Variants in CDKL3 observed in about 807,000 individuals in gnomAD.
The protein encoded by CDKL3 is cyclin dependent kinase like 3, also known as cyclin-dependent kinase-like 3.
Under a neutral mutation model 69.3 loss-of-function variants are expected in CDKL3, and 65 were observed. The observed-to-expected ratio is 0.94, with a 90% CI of 0.77 to 1.15. The LOEUF is 1.15. CDKL3 is among the 50% of genes most tolerant of loss of function. CDKL3 has a pLI of 0.00. For missense variants in CDKL3, 652 were observed against 689.2 expected (o/e 0.95, Z 0.61); for synonymous variants, 202 against 221.6 (o/e 0.91, Z 0.79).
chr5:134,331,872 C>T (rs1192653996), intron 4 of CDKL3, among the ~76,000 whole-genome samples: 7 of 152,112 alleles, frequency 4.6e-5, no homozygotes, highest in Admixed American at 1.3e-4. Context: ...CTTGAGGAAT[C>T]GCCACACTGT....
chr5:134,312,855 A>C (rs1339623465), intron 6 of CDKL3, among the ~76,000 whole-genome samples: 2 of 152,212 alleles, frequency 1.3e-5, no homozygotes, highest in Non-Finnish European at 2.9e-5. Flanking sequence ...TCTTTCAATA[A>C]CCCATTATTA....
At position 134,366,433 on chromosome 5, in the gene CDKL3, C is replaced by T; in HGVS notation, c.91G>A (p.Ala31Thr). 6.2e-7 allele frequency: 1 copy of T among 1,604,550 alleles called. No homozygotes were observed. Among genetic ancestry groups the T allele is most frequent in the Non-Finnish European group, 8.5e-7 (1 of 1,175,376 alleles). ...GGTCTCTCATAAAATATCTTAATGG[C>T]CACTATCTGCCCAGTATTCTTATGT... The part of the protein sequence containing the change: ...CKHKNTGQIV[A>T]IKIFYERPEQ... Residue 31 changes from alanine (A) to threonine (T), a missense_variant, in exon 2 of 13, where the codon GCC becomes ACC. Ala to Thr is a moderately conservative substitution (Grantham distance 58). Transcript: ENST00000265334.
intron 4 of CDKL3, among the ~76,000 whole-genome samples, chr5:134,326,353 G>A (rs190152904): frequency 1.3e-5 from 2 of 152,074 alleles, no homozygotes; most frequent in African/African-American, 2.4e-5. Context: ...TCTGAAATAC[G>A]AGCAAGTCCT....
intron 6 of CDKL3, among the ~76,000 whole-genome samples, chr5:134,318,392 T>C (rs1771755971): frequency 6.6e-6 from 1 of 152,106 alleles, no homozygotes; most frequent in Non-Finnish European, 1.5e-5. Context: ...CTGTAGATAT[T>C]TTAGTACAAA....
At chr5:134,363,957 T>TAAAAAAAAAAA (rs1206131261) in intron 2 of CDKL3, among the ~76,000 whole-genome samples, 3 of 96,432 alleles carry the variant, frequency 3.1e-5, no homozygotes, top group African/African-American at 1.3e-4. Flanking sequence ...CTCCATTTCT[T>TAAAAAAAAAAA]AAAAAAAAAA....
At chr5:134,303,669 C>CA (rs1491324816) in intron 11 of CDKL3, among the ~76,000 whole-genome samples, 1 of 75,274 alleles carries the variant, frequency 1.3e-5, no homozygotes, top group Non-Finnish European at 2.5e-5. Context: ...AATGGTGGAA[C>CA]CCCCCCCCCG....
At chr5:134,299,750 T>C (rs1194181185) in intron 12 of CDKL3, 13 of 1,525,604 alleles carry the variant, frequency 8.5e-6, no homozygotes, top group Non-Finnish European at 1.1e-5. Context: ...TTTCCTGTAT[T>C]CTAAAAAGTA....
upstream of CDKL3, chr5:134,371,498 C>T: frequency 7.2e-7 from 1 of 1,390,924 alleles, no homozygotes; most frequent in Non-Finnish European, 9.5e-7. Flanking sequence ...GCGGCGGCGG[C>T]GGCGGCGATC....
downstream of CDKL3, among the ~76,000 whole-genome samples, chr5:134,296,941 TCTTTTC>T (rs1402837081): frequency 6.8e-6 from 1 of 147,594 alleles, no homozygotes; most frequent in African/African-American, 2.5e-5. Context: ...TTTTTCTTTT[TCTTTTC>T]TTTTCTTTTT....
At chr5:134,366,316 A>G (rs1430972853) in intron 2 of CDKL3, 43 bp downstream of exon 2, 1 of 1,414,762 alleles carries the variant, frequency 7.1e-7, no homozygotes, top group East Asian at 2.4e-5. Flanking sequence ...TTCCATAACA[A>G]TTTTTTCTTT....
At chr5:134,354,382 GA>G in intron 3 of CDKL3, among the ~76,000 whole-genome samples, 1 of 152,306 alleles carries the variant, frequency 6.6e-6, no homozygotes, top group East Asian at 1.9e-4. Context: ...CTCAGTGACA[GA>G]AATCTGGGAT....
chr5:134,336,396 GA>G, intron 4 of CDKL3, among the ~76,000 whole-genome samples: 1 of 152,314 alleles, frequency 6.6e-6, no homozygotes, highest in Middle Eastern at 3.4e-3. Context: ...CTTTGGAGGA[GA>G]AGAGGCATTC....
chr5:134,342,967 G>A (rs570367205), intron 4 of CDKL3, among the ~76,000 whole-genome samples: 1 of 152,246 alleles, frequency 6.6e-6, no homozygotes, highest in Admixed American at 6.5e-5. Flanking sequence ...TGCTTTGGGA[G>A]TCCAAGGCAG....
At position 134,312,328 on chromosome 5, in the gene CDKL3, T is replaced by C. The variant is rs1296261236; in HGVS notation, c.845A>G (p.His282Arg). The change falls in exon 7 of 13, where the codon CAT (histidine) becomes CGT (arginine). Residue 282 changes from histidine (H) to arginine (R), a missense_variant. Transcript: ENST00000265334. ...ADRISSSDLL[H>R]HEYFTRDGFI... ...TCCATCTCTAGTAAAATACTCATGA[T>C]GCAAAAGATCACTAGATGATATCCT... is the stretch of plus-strand genomic sequence containing the variant. 1 of 1,600,222 alleles carries C rather than the reference T, an allele frequency of 6.2e-7. No individual in the cohort carries two copies. The highest frequency in any genetic ancestry group is 1.7e-5 in the Admixed American group (1 of 57,824).
chr5:134,295,901 AT>A (rs1765325129), downstream of CDKL3, among the ~76,000 whole-genome samples: 1 of 151,902 alleles, frequency 6.6e-6, no homozygotes, highest in African/African-American at 2.4e-5. Context: ...ACAATTTTTT[AT>A]TTTTTATTTT....
At chr5:134,302,230 A>C (rs1487410203) in intron 12 of CDKL3, 1 of 458,086 alleles carries the variant, frequency 2.2e-6, no homozygotes, top group South Asian at 1.5e-5. Context: ...AAACGAAGGA[A>C]GGAAGAGGCT....
chr5:134,324,615 AT>A (rs1293512819), intron 4 of CDKL3, among the ~76,000 whole-genome samples: 1 of 152,248 alleles, frequency 6.6e-6, no homozygotes, highest in Non-Finnish European at 1.5e-5. Context: ...ATACTATGTG[AT>A]TCCAACTATA....
chr5:134,305,096 C>T (rs1458547888), intron 10 of CDKL3, among the ~76,000 whole-genome samples: 1 of 151,712 alleles, frequency 6.6e-6, no homozygotes, highest in African/African-American at 2.4e-5. Flanking sequence ...ACATGAGCCA[C>T]TGCATCTGGC....
chr5:134,312,291 CT>C lies in CDKL3; in HGVS notation c.881del (p.Lys294AsnfsTer6). 6.4e-7 allele frequency: 1 copy of C among 1,557,274 alleles called. No individual in the cohort carries two copies. ...AACCCACATTCACTCAAAATGCTTACTTTTCAATAAATCCATCTCTAGTAAA... is the reference window on the plus strand; with the variant it reads ...AACCCACATTCACTCAAAATGCTTACTTTCAATAAATCCATCTCTAGTAAA... ...EYFTRDGFIE[K>X]FMPELKAKLL... On this transcript the variant is annotated frameshift_variant and splice_region_variant, in exon 7 of 13. Transcript: ENST00000265334. LOFTEE classifies it high-confidence loss of function.
Sources: allele counts gnomAD v4.1 joint callset (sites outside exome capture counted in the v4.1 genomes callset), GRCh38; gene constraint gnomAD v4.1.1; transcripts MANE v1.5; gene names NCBI Gene and HGNC (gene_info 2026-07-23, HGNC 2026-07-21).